Variants in CBFA2T2 observed in about 807,000 individuals in gnomAD.
The protein encoded by CBFA2T2 is CBFA2/RUNX1 partner transcriptional co-repressor 2.
CBFA2T2 carries 11 observed loss-of-function variants against 62.2 expected under a neutral mutation model. The observed-to-expected ratio is 0.18, with a 90% CI of 0.11 to 0.29. CBFA2T2 has a LOEUF of 0.29. CBFA2T2 is among the 10% of genes least tolerant of loss of function. The pLI is 1.00. For synonymous variants in CBFA2T2, 295 were observed against 287.5 expected, an observed-to-expected ratio of 1.03 and a Z score of -0.27; for missense variants, 592 against 774.1, an observed-to-expected ratio of 0.76 and a Z score of 2.79.
At chr20:33,575,284 G>GTC (rs1258054444) in intron 1 of CBFA2T2, among the ~76,000 whole-genome samples, 1 of 152,162 alleles carries the variant, frequency 6.6e-6, no homozygotes, top group African/African-American at 2.4e-5. Flanking sequence ...CTTAATTAAT[G>GTC]TCACAATTTG....
At chr20:33,579,766 A>G (rs2014022134) in intron 1 of CBFA2T2, among the ~76,000 whole-genome samples, 1 of 150,734 alleles carries the variant, frequency 6.6e-6, no homozygotes, top group East Asian at 1.9e-4. Flanking sequence ...GGTGTCCTGA[A>G]CATATTATAC....
chr20:33,528,663 CTA>C (rs2011955418), intron 1 of CBFA2T2, among the ~76,000 whole-genome samples: 1 of 149,938 alleles, frequency 6.7e-6, no homozygotes, highest in African/African-American at 2.5e-5. Context: ...ATACATGTAA[CTA>C]TGTTAACCTG....
chr20:33,633,168 C>T (rs978557515), intron 8 of CBFA2T2, among the ~76,000 whole-genome samples: 11 of 151,896 alleles, frequency 7.2e-5, no homozygotes, highest in African/African-American at 2.2e-4. Context: ...GCCAGGAGTT[C>T]GAGACCAGCC....
intron 1 of CBFA2T2, among the ~76,000 whole-genome samples, chr20:33,559,274 A>G (rs924890150): frequency 2.0e-5 from 3 of 147,816 alleles, no homozygotes; most frequent in South Asian, 2.1e-4. Context: ...TCCTGGTTCA[A>G]GCGATTCTCC....
chr20:33,639,937 T>A (rs2016770122), intron 9 of CBFA2T2, among the ~76,000 whole-genome samples: 2 of 152,182 alleles, frequency 1.3e-5, no homozygotes, highest in Non-Finnish European at 2.9e-5. Flanking sequence ...CATGCAAGAC[T>A]TTTTGCAAAA....
At chr20:33,503,941 ATC>A (rs1189396407) in intron 1 of CBFA2T2, among the ~76,000 whole-genome samples, 1 of 152,012 alleles carries the variant, frequency 6.6e-6, no homozygotes, top group Non-Finnish European at 1.5e-5. Flanking sequence ...TGCAGTTGTA[ATC>A]ATCAAACCAG....
At chr20:33,572,829 A>G (rs996263193) in intron 1 of CBFA2T2, among the ~76,000 whole-genome samples, 6 of 152,186 alleles carry the variant, frequency 3.9e-5, no homozygotes, top group African/African-American at 1.4e-4. Context: ...CAGTAATGTG[A>G]TCTGATTTAT....
intron 1 of CBFA2T2, among the ~76,000 whole-genome samples, chr20:33,552,715 C>T (rs1406592573): frequency 6.6e-6 from 1 of 152,034 alleles, no homozygotes; most frequent in Non-Finnish European, 1.5e-5. Flanking sequence ...TCCCCTGCAC[C>T]CCAGCAAATG....
In CBFA2T2 at chr20:33,611,298, T is replaced by C. The variant is rs750569805; in HGVS notation, c.383T>C (p.Ile128Thr). Residue 128 changes from isoleucine to threonine, a missense_variant, in exon 3 of 11, where the codon ATT (isoleucine) becomes ACT (threonine). Ile to Thr is a moderately conservative substitution (Grantham distance 89, BLOSUM62 -1). Around this residue, in one of 3 missense-constraint regions of CBFA2T2, gnomAD observed 449 missense variants for 551.2 expected, o/e 0.81. Coordinates refer to ENST00000342704, the MANE Select transcript of CBFA2T2 (RefSeq NM_001032999.3). ...TTTGGCAATGACATCTCCCCTGAGA[T>C]TGGGGAGAAGGTGCGGACTCTTGTT... ...QQFGNDISPEIGEKVRTLVLA... is the reference protein window; with the variant it reads ...QQFGNDISPETGEKVRTLVLA... 9 of 1,614,090 alleles carry C rather than the reference T, an allele frequency of 5.6e-6. No homozygotes were observed. The highest frequency in any genetic ancestry group is 1.3e-5 in the African/African-American group (1 of 75,060).
chr20:33,600,687 C>T lies in CBFA2T2; in HGVS notation c.35-6269C>T, dbSNP rs572126864. ...GTAGCCTTTCCAGCAAACACCTTAA[C>T]ATTGTGTTAAGACTTGCCTGGCCGT... On this transcript the variant is annotated intron_variant, in intron 1 of 10. Coordinates refer to ENST00000342704, the MANE Select transcript of CBFA2T2 (RefSeq NM_001032999.3). 4.6e-5 allele frequency among the ~76,000 whole-genome samples: 7 copies of T among 152,228 alleles called. No individual in the cohort carries two copies. In the South Asian group the frequency reaches 1.2e-3, roughly 27 times the overall value.
chr20:33,511,546 A>G lies in CBFA2T2; in HGVS notation c.34+21245A>G, dbSNP rs147630419. Among the ~76,000 whole-genome samples, 559 of 152,286 alleles carry G rather than the reference A, an allele frequency of 3.7e-3. 3 individuals are homozygous for G. Among genetic ancestry groups the G allele is most frequent in the African/African-American group, 0.013 (536 of 41,572 alleles). ...CTATTTGAGCAAAACTCTTAAAAAA[A>G]TGGTTTATGTAAAGAGAAAAGTAAC... On this transcript the variant is annotated intron_variant, in intron 1 of 10. Coordinates refer to ENST00000342704, the MANE Select transcript of CBFA2T2 (RefSeq NM_001032999.3).
intron 1 of CBFA2T2, among the ~76,000 whole-genome samples, chr20:33,538,120 T>G (rs565917010): frequency 7.2e-5 from 11 of 152,244 alleles, no homozygotes; most frequent in African/African-American, 2.6e-4. Context: ...TTAGTGATTT[T>G]ATTTTAATTA....
intron 3 of CBFA2T2, among the ~76,000 whole-genome samples, chr20:33,616,131 A>AGATAGATAGATAGATG (rs1555845596): frequency 3.1e-4 from 45 of 146,860 alleles, no homozygotes; most frequent in African/African-American, 1.1e-3. Flanking sequence ...ATAGATAGAT[A>AGATAGATAGATAGATG]GATGACAGAG....
intron 1 of CBFA2T2, among the ~76,000 whole-genome samples, chr20:33,567,077 A>G (rs1379141354): frequency 2.6e-5 from 4 of 152,246 alleles, no homozygotes; most frequent in Non-Finnish European, 4.4e-5. Context: ...AAAACAACAT[A>G]TTATAACTGG....
intron 1 of CBFA2T2, among the ~76,000 whole-genome samples, chr20:33,599,600 T>C (rs1204496772): frequency 6.6e-6 from 1 of 152,016 alleles, no homozygotes; most frequent in African/African-American, 2.4e-5. Flanking sequence ...TTTTTTTTTT[T>C]TTGAGACGGA....
At chr20:33,492,003 C>T (rs1166668945) in intron 1 of CBFA2T2, among the ~76,000 whole-genome samples, 2 of 152,056 alleles carry the variant, frequency 1.3e-5, no homozygotes, top group African/African-American at 4.8e-5. Context: ...CTGCATCAGC[C>T]TCCAGAGTAG....
intron 3 of CBFA2T2, among the ~76,000 whole-genome samples, chr20:33,614,629 A>G (rs1187219128): frequency 6.6e-6 from 1 of 152,152 alleles, no homozygotes; most frequent in Non-Finnish European, 1.5e-5. Flanking sequence ...TAACTACTCT[A>G]GGTACCTCAT....
Position 33,567,187 on chromosome 20 carries a change from T to C in CBFA2T2, c.35-39769T>C, listed in dbSNP as rs2013357716. ...GATACTGGGGAATTTAAAATGCATA[T>C]GGATTTAATTTTCCTAAAGCATGCC... On this transcript the variant is annotated intron_variant, in intron 1 of 10. Transcript: ENST00000342704. Among the ~76,000 whole-genome samples, 6 of 152,394 alleles carry C rather than the reference T, an allele frequency of 3.9e-5. No homozygotes were observed. In the East Asian group the frequency reaches 9.6e-4, roughly 24 times the overall value.
intron 2 of CBFA2T2, among the ~76,000 whole-genome samples, chr20:33,610,644 C>CT (rs2015488877): frequency 6.6e-6 from 1 of 152,110 alleles, no homozygotes; most frequent in African/African-American, 2.4e-5. Context: ...TATCATAACT[C>CT]TTTTTTCTGG....
Sources: allele counts gnomAD v4.1 joint callset (sites outside exome capture counted in the v4.1 genomes callset), GRCh38; gene constraint gnomAD v4.1.1; regional missense constraint gnomAD v4.1.1; transcripts MANE v1.5; gene names NCBI Gene and HGNC (gene_info 2026-07-23, HGNC 2026-07-21).